The following SORCS3 variants were observed in gnomAD, a reference collection of about 807,000 sequenced individuals.
The protein encoded by SORCS3 is VPS10 domain-containing receptor SorCS3.
Under a neutral mutation model 146.3 loss-of-function variants are expected in SORCS3, and 57 were observed. The observed-to-expected ratio is 0.39, with a 90% confidence interval of 0.31 to 0.49. The LOEUF is 0.49. SORCS3 is among the 20% of genes least tolerant of loss of function. SORCS3 has a pLI of 0.92. For synonymous variants in SORCS3, 653 were observed against 618.5 expected (o/e 1.06, Z -0.83); for missense variants, 1,341 against 1,575.5 (o/e 0.85, Z 2.52).
chr10:105,100,986 TC>T (rs1050799018), intron 6 of SORCS3, among the ~76,000 whole-genome samples: 24 of 152,324 alleles, frequency 1.6e-4, no homozygotes, highest in African/African-American at 5.1e-4. Context: ...ACATAGTAAG[TC>T]CCGGATTTGA....
At chr10:105,134,313 T>TAATGACTG (rs1264670394) in intron 7 of SORCS3, among the ~76,000 whole-genome samples, 2 of 152,170 alleles carry the variant, frequency 1.3e-5, no homozygotes, top group African/African-American at 4.8e-5. Flanking sequence ...TGTACTCAAT[T>TAATGACTG]AATGACTGTC....
chr10:104,886,227 A>G (rs957176658), intron 2 of SORCS3, among the ~76,000 whole-genome samples: 1 of 152,158 alleles, frequency 6.6e-6, no homozygotes, highest in Non-Finnish European at 1.5e-5. Context: ...TTTGGGGTAC[A>G]TGATACATAA....
intron 2 of SORCS3, among the ~76,000 whole-genome samples, chr10:104,869,119 C>T (rs1052523416): frequency 5.9e-5 from 9 of 151,810 alleles, no homozygotes; most frequent in African/African-American, 2.2e-4. Context: ...AGAAATAGAA[C>T]CAATATGATG....
intron 5 of SORCS3, among the ~76,000 whole-genome samples, chr10:105,073,025 G>C (rs1469840063): frequency 6.6e-6 from 1 of 152,152 alleles, no homozygotes; most frequent in East Asian, 1.9e-4. Flanking sequence ...AGCATGTCAA[G>C]GTCATATAGC....
intron 5 of SORCS3, among the ~76,000 whole-genome samples, chr10:105,084,482 C>T (rs2055645510): frequency 6.6e-6 from 1 of 152,144 alleles, no homozygotes; most frequent in African/African-American, 2.4e-5. Context: ...TTCCCTTGCA[C>T]TGAGTTTCTA....
chr10:105,034,179 T>C (rs1285614895), intron 4 of SORCS3, among the ~76,000 whole-genome samples: 2 of 152,138 alleles, frequency 1.3e-5, no homozygotes, highest in African/African-American at 4.8e-5. Context: ...GACCTGGTGC[T>C]GTCTGGGGTG....
intron 1 of SORCS3, among the ~76,000 whole-genome samples, chr10:104,655,729 A>G (rs939704886): frequency 1.3e-5 from 2 of 152,060 alleles, no homozygotes; most frequent in Non-Finnish European, 2.9e-5. Flanking sequence ...ACAGTGAGTG[A>G]GTTCTCATAA....
intron 1 of SORCS3, among the ~76,000 whole-genome samples, chr10:104,775,437 A>G (rs1420662892): frequency 6.6e-6 from 1 of 152,220 alleles, no homozygotes; most frequent in Non-Finnish European, 1.5e-5. Context: ...TCCTGCTTGC[A>G]AGACATCTGT....
chr10:104,746,283 C>T (rs1273279572), intron 1 of SORCS3, among the ~76,000 whole-genome samples: 2 of 151,936 alleles, frequency 1.3e-5, no homozygotes, highest in African/African-American at 4.8e-5. Flanking sequence ...ACTACAGGTG[C>T]CCGCCACTAC....
intron 3 of SORCS3, among the ~76,000 whole-genome samples, chr10:104,916,680 T>C (rs2019031492): frequency 6.6e-6 from 1 of 152,158 alleles, no homozygotes; most frequent in Non-Finnish European, 1.5e-5. Flanking sequence ...AAGAAAGCAC[T>C]GCTATTTAGA....
At chr10:105,248,061 G>A (rs1004293618) in intron 22 of SORCS3, among the ~76,000 whole-genome samples, 6 of 152,194 alleles carry the variant, frequency 3.9e-5, no homozygotes, top group African/African-American at 7.2e-5. Flanking sequence ...GAAACAGAGC[G>A]TTCCAGCAGG....
At chr10:105,174,406 C>T (rs2056383226) in intron 13 of SORCS3, among the ~76,000 whole-genome samples, 1 of 151,888 alleles carries the variant, frequency 6.6e-6, no homozygotes, top group African/African-American at 2.4e-5. Flanking sequence ...AATATATCAC[C>T]TCAGGATATT....
chr10:105,174,046 A>G (rs2056380818), intron 13 of SORCS3, among the ~76,000 whole-genome samples: 2 of 152,166 alleles, frequency 1.3e-5, no homozygotes, highest in Admixed American at 1.3e-4. Context: ...ATCTCCTCAC[A>G]CTAGAAAGTA....
At chr10:104,937,450 A>G (rs2019271478) in intron 3 of SORCS3, among the ~76,000 whole-genome samples, 1 of 152,236 alleles carries the variant, frequency 6.6e-6, no homozygotes, top group Non-Finnish European at 1.5e-5. Flanking sequence ...AGGAGAGTTC[A>G]CTATAAAATC....
intron 19 of SORCS3, among the ~76,000 whole-genome samples, chr10:105,219,438 A>T (rs1456840029): frequency 6.6e-6 from 1 of 152,072 alleles, no homozygotes; most frequent in Non-Finnish European, 1.5e-5. Context: ...ATATACCAAA[A>T]CTCCAGATTC....
At chr10:104,811,276 G>C (rs1320647075) in intron 1 of SORCS3, among the ~76,000 whole-genome samples, 4 of 152,204 alleles carry the variant, frequency 2.6e-5, no homozygotes, top group Non-Finnish European at 4.4e-5. Context: ...ATGGGAGTGG[G>C]ACCTGCAAAC....
intron 11 of SORCS3, among the ~76,000 whole-genome samples, chr10:105,159,824 A>C (rs891962098): frequency 6.6e-6 from 1 of 152,140 alleles, no homozygotes; most frequent in Non-Finnish European, 1.5e-5. Context: ...TCCTTCTCCA[A>C]GCCTCCAACT....
chr10:104,915,475 G>A (rs1364435936), intron 2 of SORCS3, among the ~76,000 whole-genome samples: 1 of 146,362 alleles, frequency 6.8e-6, no homozygotes, highest in African/African-American at 2.5e-5. Flanking sequence ...AGGGTCCGCT[G>A]GTGGGAACTT....
chr10:105,066,852 C>A lies in SORCS3; in HGVS notation c.1029-22923C>A, dbSNP rs2055526222. 2.6e-5 allele frequency among the ~76,000 whole-genome samples: 4 copies of A among 152,072 alleles called. No individual in the cohort carries two copies. The South Asian group carries it at 8.3e-4, about 32-fold the overall frequency. Reference sequence around the variant, plus strand: ...CATCTTCCTTCCAGGAATCATTGAGCCTTCTCTCTCACCAAAAAAGTAGAG... The same window carrying A: ...CATCTTCCTTCCAGGAATCATTGAGACTTCTCTCTCACCAAAAAAGTAGAG... On this transcript the variant is annotated intron_variant, in intron 5 of 26. Coordinates refer to ENST00000369701, the MANE Select transcript of SORCS3 (RefSeq NM_014978.3).
Sources: gnomAD v4.1 joint callset for allele counts (sites outside exome capture counted in the v4.1 genomes callset) on GRCh38, gnomAD v4.1.1 for gene constraint, MANE v1.5 for transcripts, NCBI Gene and HGNC (gene_info 2026-07-23, HGNC 2026-07-21) for gene names.